SDK1: variants seen among roughly 807,000 people sequenced by gnomAD.
SDK1 encodes the protein protein sidekick-1.
Under a neutral mutation model 245.5 loss-of-function variants are expected in SDK1, and 157 were observed. The observed-to-expected ratio is 0.64, with a 90% CI of 0.56 to 0.73. The LOEUF is 0.73. Ranked by LOEUF, SDK1 falls within the 30% of genes least tolerant of loss-of-function variation. The pLI, the probability that SDK1 is intolerant of heterozygous loss-of-function variation, is 0.00. For synonymous variants in SDK1, 1,647 were observed against 1,278.5 expected (o/e 1.29, Z -6.15); for missense variants, 3,583 against 3,002.3 (o/e 1.19, Z -4.52).
At chr7:3,959,119 A>T in intron 8 of SDK1, 105 bp downstream of exon 8, 1 of 890,402 alleles carries the variant, frequency 1.1e-6, no homozygotes, top group Non-Finnish European at 1.9e-6. Context: ...ATTGAGTGTG[A>T]TGGCGAAGAG....
intron 35 of SDK1, among the ~76,000 whole-genome samples, chr7:4,202,680 A>G (rs1182812634): frequency 6.6e-6 from 1 of 152,208 alleles, no homozygotes; most frequent in Non-Finnish European, 1.5e-5. Flanking sequence ...CTGCAGAGTT[A>G]ATTCCTACAG....
chr7:3,852,029 G>A (rs1057154090), intron 5 of SDK1, among the ~76,000 whole-genome samples: 2 of 152,166 alleles, frequency 1.3e-5, no homozygotes, highest in East Asian at 3.9e-4. Flanking sequence ...TAATCTTGGT[G>A]AACAAATAGA....
intron 1 of SDK1, among the ~76,000 whole-genome samples, chr7:3,603,432 C>G (rs139712915): frequency 0.17 from 25,467 of 147,680 alleles, 2,724 homozygotes; most frequent in South Asian, 0.26. Context: ...GTATTTTATT[C>G]TCTTTGAAGG....
rs58502351 is a variant in SDK1, at chr7:3,347,557, C to T, written c.298+45673C>T. Among the ~76,000 whole-genome samples the T allele has an allele frequency of 8.8e-3, 1,347 of 152,292 alleles. 24 individuals carry two copies. Among genetic ancestry groups the T allele is most frequent in the African/African-American group, 0.03 (1,258 of 41,572 alleles). ...ATTTTCTGTTCCTAGATATTTTCAA[C>T]CTCCCTGTTTCATTTCTGACCAATT... On this transcript the variant is annotated intron_variant, in intron 1 of 44. Transcript: ENST00000404826.
chr7:3,338,204 T>G (rs1282708958), intron 1 of SDK1: 4 of 268,776 alleles, frequency 1.5e-5, no homozygotes, highest in Non-Finnish European at 2.9e-5. Flanking sequence ...CTTGTTCTTT[T>G]GGCCACATAC....
In SDK1 at chr7:4,048,433, C is replaced by T. The variant is rs1025840412; in HGVS notation, c.2603-915C>T. ...GCGTCATCAGCCGTGCTGCTGGGCA[C>T]GGTAGACAATCCCAGCGAGACCCGC... On this transcript the variant is annotated intron_variant, in intron 17 of 44. Transcript: ENST00000404826. Among the ~76,000 whole-genome samples, 9 of 152,268 alleles carry T rather than the reference C, an allele frequency of 5.9e-5. No individual in the cohort carries two copies. In the South Asian group the frequency reaches 8.3e-4, roughly 14 times the overall value.
intron 25 of SDK1, among the ~76,000 whole-genome samples, chr7:4,120,218 A>G (rs1783969942): frequency 6.7e-6 from 1 of 149,230 alleles, no homozygotes; most frequent in African/African-American, 2.4e-5. Flanking sequence ...ATACACAGAG[A>G]TAATAGCCGA....
At chr7:3,899,250 A>G (rs1252878000) in intron 5 of SDK1, among the ~76,000 whole-genome samples, 1 of 152,180 alleles carries the variant, frequency 6.6e-6, no homozygotes, top group African/African-American at 2.4e-5. Flanking sequence ...GTCTCCCTAC[A>G]GAAATATTGC....
chr7:4,118,397 TA>T (rs1249405199), intron 25 of SDK1, among the ~76,000 whole-genome samples: 6 of 152,112 alleles, frequency 3.9e-5, no homozygotes, highest in Non-Finnish European at 7.4e-5. Flanking sequence ...ACTCCTAAAA[TA>T]AGATGGCTAA....
At position 4,037,768 on chromosome 7, in the gene SDK1, A is replaced by G. The variant is rs553409848; in HGVS notation, c.2603-11580A>G. 9.8e-5 allele frequency among the ~76,000 whole-genome samples: 15 copies of G among 152,338 alleles called. No homozygotes were observed. In the East Asian group the frequency reaches 2.5e-3, roughly 25 times the overall value. On this transcript the variant is annotated intron_variant, in intron 17 of 44. Coordinates refer to ENST00000404826, the MANE Select transcript of SDK1 (RefSeq NM_152744.4). ...ATCACTTAATGAGGAATACAGCTTT[A>G]TAGGCCATCTTTTACCTAGAGACCT...
At chr7:3,960,448 C>G (rs1562576055) in intron 8 of SDK1, among the ~76,000 whole-genome samples, 1 of 152,252 alleles carries the variant, frequency 6.6e-6, no homozygotes, top group Non-Finnish European at 1.5e-5. Context: ...TCCATACCTG[C>G]AACTGTGTGG....
chr7:3,430,325 T>G (rs149833747), intron 1 of SDK1, among the ~76,000 whole-genome samples: 76 of 152,200 alleles, frequency 5.0e-4, no homozygotes, highest in Non-Finnish European at 9.6e-4. Context: ...AATTAGTAAT[T>G]AAGGTTATTT....
At chr7:4,223,140 G>C (rs980215222) in intron 40 of SDK1, among the ~76,000 whole-genome samples, 3 of 151,952 alleles carry the variant, frequency 2.0e-5, no homozygotes, top group African/African-American at 7.3e-5. Flanking sequence ...TTCAAAAGCA[G>C]GTTGGTGGGG....
intron 20 of SDK1, among the ~76,000 whole-genome samples, chr7:4,069,121 T>C (rs1031857766): frequency 2.0e-5 from 3 of 152,248 alleles, no homozygotes; most frequent in African/African-American, 4.8e-5. Context: ...ACATAGGCTC[T>C]AGCCTCAGAT....
At chr7:3,762,165 C>T (rs1780124584) in intron 4 of SDK1, among the ~76,000 whole-genome samples, 1 of 152,216 alleles carries the variant, frequency 6.6e-6, no homozygotes, top group African/African-American at 2.4e-5. Context: ...AATCTAAATA[C>T]TCCTACAACA....
In SDK1 at chr7:3,694,250, T is replaced by C. The variant is rs143077192; in HGVS notation, c.713+52145T>C. 2.4e-3 allele frequency among the ~76,000 whole-genome samples: 370 copies of C among 152,298 alleles called. 2 individuals are homozygous for C. Among genetic ancestry groups the C allele is most frequent in the African/African-American group, 8.6e-3 (357 of 41,568 alleles). ...GACTTCGTGAAAGCTCTTTGAGATG[T>C]GAGAAAGGCGAATCTAAGAGATGGC... is the stretch of plus-strand genomic sequence containing the variant. On this transcript the variant is annotated intron_variant, in intron 4 of 44. Coordinates refer to ENST00000404826, the MANE Select transcript of SDK1 (RefSeq NM_152744.4).
chr7:3,384,373 A>T (rs1781559725), intron 1 of SDK1, among the ~76,000 whole-genome samples: 1 of 152,192 alleles, frequency 6.6e-6, no homozygotes, highest in Non-Finnish European at 1.5e-5. Flanking sequence ...TCTGAAGAGT[A>T]CTAATTTTTT....
At chr7:4,035,046 T>G (rs2128159949) in intron 17 of SDK1, among the ~76,000 whole-genome samples, 1 of 152,360 alleles carries the variant, frequency 6.6e-6, no homozygotes, top group East Asian at 1.9e-4. Flanking sequence ...TGGCACAGTC[T>G]TGGCTCACCG....
At position 4,079,473 on chromosome 7, in the gene SDK1, T is replaced by C. The variant is rs1185025463; in HGVS notation, c.3213T>C (p.Gly1071=). The C allele has an allele frequency of 2.5e-6, 4 of 1,614,254 alleles. No individual in the cohort carries two copies. Among genetic ancestry groups the C allele is most frequent in the Non-Finnish European group, 3.4e-6 (4 of 1,180,040 alleles). Residue 1071 remains glycine, a synonymous_variant, in exon 22 of 45, where the codon GGT becomes GGC. Transcript: ENST00000404826. ...ISSGVPPDLP[G]APSNLVISNI... is the part of the protein sequence containing the mutation. ...CTGGTTCCTCTCTAGACCTTCCTGGTGCCCCATCCAACCTGGTCATTTCCA... is the reference window on the plus strand; with the variant it reads ...CTGGTTCCTCTCTAGACCTTCCTGGCGCCCCATCCAACCTGGTCATTTCCA...
Sources: allele counts gnomAD v4.1 joint callset (sites outside exome capture counted in the v4.1 genomes callset), GRCh38; gene constraint gnomAD v4.1.1; transcripts MANE v1.5; gene names NCBI Gene and HGNC (gene_info 2026-07-23, HGNC 2026-07-21).